SPIRE2: variants seen among roughly 807,000 people sequenced by gnomAD.
SPIRE2 encodes the protein protein spire homolog 2.
Under a neutral mutation model 80.7 loss-of-function variants are expected in SPIRE2, and 76 were observed. The observed-to-expected ratio is 0.94, with a 90% CI of 0.78 to 1.14. The LOEUF is 1.14. SPIRE2 is among the 50% of genes most tolerant of loss of function. SPIRE2 has a pLI of 0.00. For missense variants in SPIRE2, 1,196 were observed against 1,015.3 expected (o/e 1.18, Z -2.42); for synonymous variants, 535 against 432.6 (o/e 1.24, Z -2.94).
intron 1 of SPIRE2, among the ~76,000 whole-genome samples, chr16:89,837,890 A>G (rs2041465718): frequency 6.6e-6 from 1 of 152,248 alleles, no homozygotes; most frequent in African/African-American, 2.4e-5. Flanking sequence ...CGGCTCAACC[A>G]CATGGTTCCC....
At chr16:89,844,510 C>T (rs919633836) in intron 1 of SPIRE2, among the ~76,000 whole-genome samples, 13 of 151,558 alleles carry the variant, frequency 8.6e-5, no homozygotes, top group African/African-American at 3.2e-4. Context: ...GCAATCTCGG[C>T]TCACTGCAAG....
chr16:89,866,586 C>A (rs113294056), intron 12 of SPIRE2, among the ~76,000 whole-genome samples: 2 of 151,396 alleles, frequency 1.3e-5, no homozygotes, highest in Admixed American at 6.6e-5. Flanking sequence ...TGAGCCACCA[C>A]GCCCAGCCTT....
intron 7 of SPIRE2, among the ~76,000 whole-genome samples, chr16:89,857,653 C>T (rs973028645): frequency 5.9e-5 from 9 of 151,708 alleles, no homozygotes; most frequent in African/African-American, 2.2e-4. Context: ...TCACTGCAAC[C>T]TCCACCTCCT....
At chr16:89,851,845 T>C (rs747428972) in intron 3 of SPIRE2, among the ~76,000 whole-genome samples, 2 of 152,048 alleles carry the variant, frequency 1.3e-5, no homozygotes, top group Non-Finnish European at 2.9e-5. Context: ...GGTCTGTCAT[T>C]CCTCCCTGAC....
chr16:89,828,849 G>T lies in SPIRE2; in HGVS notation c.244+55G>T. On this transcript the variant is annotated intron_variant, in intron 1 of 14. Transcript: ENST00000378247. This position sits in a 1 kb window ranked among gnomAD's most constrained non-coding sequence, Gnocchi z 5.9. ...GACCGCGGTCTGGGGCGTCCGTCCCGCCCCCTGGGTGGGGGTGGTCCCGGC... is the reference window on the plus strand; with the variant it reads ...GACCGCGGTCTGGGGCGTCCGTCCCTCCCCCTGGGTGGGGGTGGTCCCGGC... 1.7e-6 allele frequency: 2 copies of T among 1,156,740 alleles called. No individual in the cohort carries two copies. Among genetic ancestry groups the T allele is most frequent in the African/African-American group, 1.6e-5 (1 of 61,774 alleles). 71.7% of individuals were successfully genotyped at this position (1,156,740 alleles called of 1,614,324 possible).
intron 2 of SPIRE2, 24 bp downstream of exon 2, chr16:89,845,389 ATTAC>A (rs1417597494): frequency 3.1e-6 from 5 of 1,596,424 alleles, no homozygotes; most frequent in Non-Finnish European, 4.3e-6. Context: ...AATTCCAAGT[ATTAC>A]TTGATGTGTG....
At chr16:89,869,016 G>A (rs1326582333) in intron 13 of SPIRE2, among the ~76,000 whole-genome samples, 1 of 84,332 alleles carries the variant, frequency 1.2e-5, no homozygotes, top group Non-Finnish European at 2.1e-5. Flanking sequence ...GGGCAATAGA[G>A]CAAGATCTGT....
chr16:89,836,856 G>A (rs1020614851), intron 1 of SPIRE2, among the ~76,000 whole-genome samples: 5 of 151,918 alleles, frequency 3.3e-5, no homozygotes, highest in East Asian at 1.9e-4. Context: ...TTAGCTGGGC[G>A]TCGTGGTACA....
rs953644391 is a variant in SPIRE2, at chr16:89,850,827, G to GT, written c.645+174dup. 4.6e-5 allele frequency among the ~76,000 whole-genome samples: 7 copies of GT among 151,760 alleles called. No homozygotes were observed. The South Asian group carries it at 8.3e-4, about 18-fold the overall frequency. On this transcript the variant is annotated intron_variant, in intron 3 of 14. Coordinates refer to ENST00000378247, the MANE Select transcript of SPIRE2 (RefSeq NM_032451.2). ...CACTTAATCCTCACGCTTTCTTGTT[G>GT]TTTTTTTGTTGTTGTTGTTGTTTTT...
chr16:89,855,937 C>T, intron 6 of SPIRE2, 176 bp from the exon 7 acceptor site: 2 of 1,233,526 alleles, frequency 1.6e-6, no homozygotes, highest in African/African-American at 1.5e-5. Flanking sequence ...CATGCGGAGC[C>T]CAGAGCCCCC....
At chr16:89,834,113 A>C (rs55681467) in intron 1 of SPIRE2, among the ~76,000 whole-genome samples, 4,019 of 94,136 alleles carry the variant, frequency 0.043, 401 homozygotes, top group Middle Eastern at 0.12. Flanking sequence ...TCGTAGAAGC[A>C]TGGATAAGCA....
In SPIRE2 at chr16:89,828,705, G is replaced by A; in HGVS notation, c.155G>A (p.Arg52Gln). The A allele has an allele frequency of 7.8e-7, 1 of 1,274,234 alleles. No homozygotes were observed. Among genetic ancestry groups the A allele is most frequent in the South Asian group, 2.6e-5 (1 of 38,676 alleles). The allele number at this position is 1,274,234 out of a possible 1,614,324, so 78.9% of individuals were successfully genotyped here. A position where few individuals can be genotyped will look rare whatever the true frequency, so the allele number is the denominator to read the frequency against. The part of the protein sequence containing the change: ...AVCFQGCRGL[R>Q]GSPGRRLRDT... ...TGCTTCCAGGGCTGCCGCGGGCTGC[G>A]GGGCTCGCCGGGCCGGCGCCTGCGG... The change falls in exon 1 of 15, where the codon CGG becomes CAG. Residue 52 changes from arginine to glutamine, a missense_variant. Physicochemically the swap from Arg to Gln is conservative, Grantham distance 43. Coordinates refer to ENST00000378247, the MANE Select transcript of SPIRE2 (RefSeq NM_032451.2). This position sits in a 1 kb window ranked among gnomAD's most constrained non-coding sequence, Gnocchi z 5.9.
chr16:89,866,573 C>T (rs866963535), intron 12 of SPIRE2, among the ~76,000 whole-genome samples: 17 of 150,900 alleles, frequency 1.1e-4, no homozygotes, highest in Non-Finnish European at 2.4e-4. Flanking sequence ...GGGATTACAG[C>T]GGTGAGCCAC....
chr16:89,870,289 G>T lies in SPIRE2; in HGVS notation c.*17G>T. On this transcript the variant is annotated 3_prime_UTR_variant, in exon 15 of 15. Transcript: ENST00000378247. ...TTCAAGTGACAGCCCCAGGTGGCCA[G>T]GCCTCCAGGAGGCACCAGGCAGGCC... 3 of 1,563,676 alleles carry T rather than the reference G, an allele frequency of 1.9e-6. No individual in the cohort carries two copies. The highest frequency in any genetic ancestry group is 1.7e-6 in the Non-Finnish European group (2 of 1,150,384).
intron 9 of SPIRE2, among the ~76,000 whole-genome samples, chr16:89,860,214 C>T (rs57829300): frequency 0.045 from 6,894 of 152,246 alleles, 560 homozygotes; most frequent in African/African-American, 0.16. Flanking sequence ...ACCCTCTATA[C>T]CACATGGGCC....
intron 3 of SPIRE2, among the ~76,000 whole-genome samples, chr16:89,851,275 C>T (rs917672529): frequency 1.3e-5 from 2 of 152,202 alleles, no homozygotes; most frequent in African/African-American, 2.4e-5. Flanking sequence ...CCTCCTGCCT[C>T]CCCACCAGCC....
intron 9 of SPIRE2, 69 bp from the exon 10 acceptor site, chr16:89,860,614 C>A (rs2041734285): frequency 5.5e-6 from 6 of 1,087,390 alleles, no homozygotes; most frequent in Non-Finnish European, 8.2e-6. Flanking sequence ...CTCTATCATC[C>A]CCTGGGCACA....
chr16:89,859,878 C>T (rs1233284170), intron 9 of SPIRE2, among the ~76,000 whole-genome samples: 1 of 152,210 alleles, frequency 6.6e-6, no homozygotes, highest in African/African-American at 2.4e-5. Flanking sequence ...CTCCCCACCA[C>T]CACATCCCAG....
chr16:89,840,594 C>G (rs567933260), intron 1 of SPIRE2, among the ~76,000 whole-genome samples: 197 of 149,830 alleles, frequency 1.3e-3, no homozygotes, highest in African/African-American at 4.7e-3. Context: ...ATGTTTCTCT[C>G]AAAAGTTGGA....
Sources: gnomAD v4.1 joint callset for allele counts (sites outside exome capture counted in the v4.1 genomes callset) on GRCh38, gnomAD v4.1.1 for gene constraint, Gnocchi (gnomAD v3.1) non-coding constraint, MANE v1.5 for transcripts, NCBI Gene and HGNC (gene_info 2026-07-23, HGNC 2026-07-21) for gene names.